CD109: variants seen among roughly 807,000 people sequenced by gnomAD.
The protein encoded by CD109 is CD109 antigen.
Under a neutral mutation model 165.8 loss-of-function variants are expected in CD109, and 149 were observed. The observed-to-expected ratio is 0.90, with a 90% CI of 0.79 to 1.03. The LOEUF is 1.03. CD109 is among the 50% of genes least tolerant of loss of function. CD109 has a pLI of 0.00. For synonymous variants in CD109, 585 were observed against 592.1 expected, an observed-to-expected ratio of 0.99 and a Z score of 0.18; for missense variants, 1,712 against 1,677.8, an observed-to-expected ratio of 1.02 and a Z score of -0.36.
chr6:73,790,716 C>T (rs191549771), intron 22 of CD109, among the ~76,000 whole-genome samples: 10 of 152,212 alleles, frequency 6.6e-5, no homozygotes, highest in African/African-American at 2.4e-4. Flanking sequence ...GTGAATTCCT[C>T]CTTCCTCAAG....
chr6:73,791,559 C>T (rs534666953), intron 22 of CD109, among the ~76,000 whole-genome samples: 3 of 150,122 alleles, frequency 2.0e-5, no homozygotes, highest in South Asian at 2.1e-4. Flanking sequence ...TTCTGTCTGT[C>T]GTCATGGAAA....
In CD109 at chr6:73,780,424, G is replaced by T. The variant is rs754615712; in HGVS notation, c.1828G>T (p.Val610Leu). 3 of 1,578,846 alleles carry T rather than the reference G, an allele frequency of 1.9e-6. No individual in the cohort carries two copies. Among genetic ancestry groups the T allele is most frequent in the Non-Finnish European group, 2.6e-6 (3 of 1,148,944 alleles). The change falls in exon 16 of 33, where the codon GTG becomes TTG. Residue 610 changes from valine (V) to leucine (L), a missense_variant and splice_region_variant. Physicochemically the swap from Val to Leu is conservative, Grantham distance 32. Coordinates refer to ENST00000287097, the MANE Select transcript of CD109 (RefSeq NM_133493.5). The stretch of plus-strand genomic sequence containing the variant: ...TCCGTATATTTTATCTTCTCCTTAG[G>T]TGGTCCATGAGTTGGAACTTTATAA... ...NASNDITMEN[V>L]VHELELYNTG...
At chr6:73,780,998 T>A (rs954540126) in intron 16 of CD109, among the ~76,000 whole-genome samples, 2 of 124,898 alleles carry the variant, frequency 1.6e-5, no homozygotes, top group East Asian at 4.8e-4. Context: ...GAGATCGATA[T>A]GTGTATGCGT....
intron 2 of CD109, among the ~76,000 whole-genome samples, chr6:73,716,380 A>AT (rs1341550902): frequency 6.6e-6 from 1 of 152,120 alleles, no homozygotes; most frequent in Non-Finnish European, 1.5e-5. Context: ...GGTTGTGCTA[A>AT]TTTTCATTTC....
chr6:73,765,135 T>C (rs1582123594), intron 10 of CD109, among the ~76,000 whole-genome samples: 2 of 151,060 alleles, frequency 1.3e-5, no homozygotes, highest in South Asian at 4.2e-4. Flanking sequence ...GAGTGGGAGG[T>C]GGGGAGCAAG....
At chr6:73,730,687 G>C in intron 4 of CD109, 113 bp downstream of exon 4, 2 of 691,948 alleles carry the variant, frequency 2.9e-6, no homozygotes, top group South Asian at 1.9e-5. Flanking sequence ...CCTAAGATAA[G>C]CTTCCCTCCC....
At chr6:73,808,805 GGTGTGTGTGTGT>G (rs10552233) in intron 26 of CD109, among the ~76,000 whole-genome samples, 102 of 145,974 alleles carry the variant, frequency 7.0e-4, no homozygotes, top group African/African-American at 2.4e-3. Context: ...CAGGGATCCA[GGTGTGTGTGTGT>G]GTGTGTGTGT....
At position 73,811,088 on chromosome 6, in the gene CD109, C is replaced by G. The variant is rs755782379; in HGVS notation, c.3643C>G (p.Pro1215Ala). The G allele has an allele frequency of 6.2e-7, 1 of 1,613,292 alleles. No individual in the cohort carries two copies. Among genetic ancestry groups the G allele is most frequent in the Admixed American group, 1.7e-5 (1 of 59,802 alleles). The change falls in exon 28 of 33, where the codon CCA (proline) becomes GCA (alanine). Residue 1215 changes from proline (P) to alanine (A), a missense_variant. By Grantham distance (27) the Pro-to-Ala change is conservative. Transcript: ENST00000287097. ...IQVTVTGPSS[P>A]SPVKFLIDTH... ...AGTGACCGTGACGGGGCCTAGCTCA[C>G]CAAGTCCTGTAAAGTTTCTGATTGA...
intron 21 of CD109, 53 bp from the exon 22 acceptor site, chr6:73,788,414 CT>C: frequency 6.5e-7 from 1 of 1,534,772 alleles, no homozygotes; most frequent in African/African-American, 1.4e-5. Flanking sequence ...GCGTATAGTT[CT>C]CTGTAAACAT....
In CD109 at chr6:73,785,416, T is replaced by C; in HGVS notation, c.2276T>C (p.Ile759Thr). ...TTTTTGAATCTTCCCTACTCTGTTATCAGAGGTGAAGAATTTGCTTTGGAA... is the reference window on the plus strand; with the variant it reads ...TTTTTGAATCTTCCCTACTCTGTTACCAGAGGTGAAGAATTTGCTTTGGAA... The part of the protein sequence containing the change: ...FIFLNLPYSV[I>T]RGEEFALEIT... The change falls in exon 20 of 33, where the codon ATC becomes ACC. Residue 759 changes from isoleucine to threonine, a missense_variant. Coordinates refer to ENST00000287097, the MANE Select transcript of CD109 (RefSeq NM_133493.5). The C allele has an allele frequency of 6.2e-7, 1 of 1,609,622 alleles. No individual in the cohort carries two copies.
At chr6:73,779,839 A>G (rs987685837) in intron 15 of CD109, among the ~76,000 whole-genome samples, 5 of 151,984 alleles carry the variant, frequency 3.3e-5, no homozygotes, top group Non-Finnish European at 7.4e-5. Flanking sequence ...CTTGCTAGCA[A>G]TGAGTACTAT....
At chr6:73,702,330 T>G (rs572360151) in intron 2 of CD109, among the ~76,000 whole-genome samples, 2 of 152,126 alleles carry the variant, frequency 1.3e-5, no homozygotes, top group Admixed American at 6.5e-5. Context: ...TCCAATTTGG[T>G]TTGGATGGTT....
intron 28 of CD109, 85 bp downstream of exon 28, chr6:73,811,232 C>G: frequency 7.0e-7 from 1 of 1,424,198 alleles, no homozygotes; most frequent in Non-Finnish European, 9.4e-7. Context: ...CTGTTGATTT[C>G]AACAAAGACT....
intron 15 of CD109, among the ~76,000 whole-genome samples, chr6:73,774,507 A>C (rs1441774008): frequency 6.6e-6 from 1 of 152,164 alleles, no homozygotes; most frequent in Non-Finnish European, 1.5e-5. Flanking sequence ...GGAGGAGAGG[A>C]AGAGTGAATG....
chr6:73,727,403 T>C (rs1772181585), intron 3 of CD109, among the ~76,000 whole-genome samples: 1 of 152,132 alleles, frequency 6.6e-6, no homozygotes, highest in Non-Finnish European at 1.5e-5. Context: ...ACTGAGTCTT[T>C]GAGGATCCCA....
intron 23 of CD109, among the ~76,000 whole-genome samples, chr6:73,798,048 T>G (rs1775230573): frequency 6.6e-6 from 1 of 152,104 alleles, no homozygotes; most frequent in African/African-American, 2.4e-5. Context: ...CTTAGATGAC[T>G]GCACTGGAAG....
chr6:73,816,131 C>A (rs1316442482), intron 30 of CD109, among the ~76,000 whole-genome samples: 9 of 152,134 alleles, frequency 5.9e-5, no homozygotes, highest in African/African-American at 2.2e-4. Flanking sequence ...ATCTTTGGAC[C>A]TTCTTGTTCA....
chr6:73,785,049 T>G (rs964011374), intron 19 of CD109, among the ~76,000 whole-genome samples: 1 of 152,260 alleles, frequency 6.6e-6, no homozygotes, highest in African/African-American at 2.4e-5. Flanking sequence ...AAATTTAATT[T>G]TCTTTTCTAT....
the CD109 span, among the ~76,000 whole-genome samples, chr6:73,679,638 G>GT: frequency 7.0e-6 from 1 of 142,794 alleles, no homozygotes; most frequent in Non-Finnish European, 1.5e-5. Flanking sequence ...GTTTTTTTTT[G>GT]TTTTTTGTTT....
Sources: gnomAD v4.1 joint callset for allele counts (sites outside exome capture counted in the v4.1 genomes callset) on GRCh38, gnomAD v4.1.1 for gene constraint, MANE v1.5 for transcripts, NCBI Gene and HGNC (gene_info 2026-07-23, HGNC 2026-07-21) for gene names.